SERPINA12: variants seen among roughly 807,000 people sequenced by gnomAD.
SERPINA12 encodes serpin A12.
In SERPINA12, 21 loss-of-function variants were observed where a neutral mutation model predicts 25.9. The ratio of observed to expected loss-of-function variants is 0.81; its 90% confidence interval spans 0.58 to 1.17. The LOEUF is 1.17. Ranked by LOEUF, SERPINA12 falls within the 50% of genes most tolerant of loss-of-function variation. The pLI is 0.00. For synonymous variants in SERPINA12, 220 were observed against 196.0 expected, an observed-to-expected ratio of 1.12 and a Z score of -1.02; for missense variants, 562 against 508.3, an observed-to-expected ratio of 1.11 and a Z score of -1.02.
chr14:94,509,145 G>A (rs1566815662), intron 1 of SERPINA12, among the ~76,000 whole-genome samples, 197 bp downstream of exon 1: 1 of 152,148 alleles, frequency 6.6e-6, no homozygotes, highest in African/African-American at 2.4e-5. Flanking sequence ...TTGGCAGCCA[G>A]CACAGACCCA....
At chr14:94,512,938 A>G (rs1369395176), upstream of SERPINA12, among the ~76,000 whole-genome samples, 1 of 152,242 alleles carries the variant, frequency 6.6e-6, no homozygotes, top group Non-Finnish European at 1.5e-5. Context: ...GACGTAGTGA[A>G]GAAATACGCA....
At chr14:94,496,301 G>A in intron 3 of SERPINA12, 72 bp downstream of exon 3, 1 of 1,508,768 alleles carries the variant, frequency 6.6e-7, no homozygotes, top group Non-Finnish European at 9.2e-7. Flanking sequence ...CATGAGGTAA[G>A]AGCTCAGACA....
At chr14:94,489,183 GAGAC>G (rs1428529530) in intron 4 of SERPINA12, among the ~76,000 whole-genome samples, 3 of 149,384 alleles carry the variant, frequency 2.0e-5, no homozygotes, top group Non-Finnish European at 4.4e-5. Context: ...AAGAGAGAGA[GAGAC>G]AGAGAAAGAA....
At chr14:94,500,787 A>C in intron 1 of SERPINA12, 12 of 908,776 alleles carry the variant, frequency 1.3e-5, no homozygotes, top group African/African-American at 3.6e-5. Flanking sequence ...AGCTGAACCC[A>C]GAGCCCACCT....
chr14:94,507,207 A>G (rs769888539), intron 1 of SERPINA12, among the ~76,000 whole-genome samples: 32 of 152,274 alleles, frequency 2.1e-4, no homozygotes, highest in Admixed American at 4.6e-4. Context: ...AGATTGGACT[A>G]TATGAAACTA....
intron 3 of SERPINA12, among the ~76,000 whole-genome samples, chr14:94,493,875 G>T (rs1900283360): frequency 6.6e-6 from 1 of 152,218 alleles, no homozygotes; most frequent in Non-Finnish European, 1.5e-5. Flanking sequence ...TGGTGGCAGT[G>T]CCCAGGGAAC....
At chr14:94,488,031 A>G (rs11626701) in intron 4 of SERPINA12, among the ~76,000 whole-genome samples, 75,912 of 152,064 alleles carry the variant, frequency 0.5, 19,898 homozygotes, top group Non-Finnish European at 0.58. Context: ...ATCCTGGCAC[A>G]TTTCTTGCTA....
chr14:94,487,469 A>G lies in SERPINA12; in HGVS notation c.1079T>C (p.Met360Thr), dbSNP rs1264035961. The G allele has an allele frequency of 2.5e-6, 4 of 1,613,534 alleles. No individual in the cohort carries two copies. Among genetic ancestry groups the G allele is most frequent in the Non-Finnish European group, 3.4e-6 (4 of 1,179,798 alleles). The change falls in exon 5 of 5, where the codon ATG becomes ACG. Residue 360 changes from methionine (M) to threonine (T), a missense_variant. Met to Thr is a moderately conservative substitution (Grantham distance 81). Coordinates refer to ENST00000677451, the MANE Select transcript of SERPINA12 (RefSeq NM_001382267.1). Reference sequence around the variant, plus strand: ...GGCCCCTTCCGTACCCCTCTCATCCATCTTCAGCTCAGCCTTGTGCACAGC... The same window carrying G: ...GGCCCCTTCCGTACCCCTCTCATCCGTCTTCAGCTCAGCCTTGTGCACAGC... ...GEAVHKAELK[M>T]DERGTEGAAG...
At chr14:94,515,937 C>G (rs1901221628) in exon 2 of SERPINA12, 1 of 152,264 alleles carries the variant, frequency 6.6e-6, no homozygotes, top group Non-Finnish European at 1.5e-5. Flanking sequence ...CCCAGCCCCA[C>G]AGAGTTTTGC....
At chr14:94,496,138 C>G (rs1956710) in intron 3 of SERPINA12, among the ~76,000 whole-genome samples, 148,497 of 152,274 alleles carry the variant, frequency 0.98, 72,448 homozygotes, top group Non-Finnish European at 0.99. Context: ...CCCTGACCAC[C>G]GCCCTCCAGT....
intron 3 of SERPINA12, among the ~76,000 whole-genome samples, chr14:94,490,102 C>A (rs997798213): frequency 6.6e-6 from 1 of 152,142 alleles, no homozygotes; most frequent in African/African-American, 2.4e-5. Context: ...GAGCCCTGAG[C>A]CCATCCTGAC....
upstream of SERPINA12, among the ~76,000 whole-genome samples, chr14:94,513,798 A>C (rs902234488): frequency 1.3e-5 from 2 of 152,180 alleles, no homozygotes; most frequent in African/African-American, 4.8e-5. Flanking sequence ...TACAACTGCT[A>C]TTGTCTTCCA....
intron 3 of SERPINA12, among the ~76,000 whole-genome samples, chr14:94,491,689 G>A (rs1281432285): frequency 2.6e-5 from 4 of 152,128 alleles, no homozygotes; most frequent in Non-Finnish European, 4.4e-5. Flanking sequence ...GTGACTCCAA[G>A]GTTTTTGGCT....
At chr14:94,502,192 A>G (rs1275445473) in intron 1 of SERPINA12, among the ~76,000 whole-genome samples, 1 of 152,200 alleles carries the variant, frequency 6.6e-6, no homozygotes, top group Non-Finnish European at 1.5e-5. Context: ...CAGTATTTCA[A>G]TTCTCTGATC....
chr14:94,491,253 C>T (rs566376025), intron 3 of SERPINA12, among the ~76,000 whole-genome samples: 2 of 152,178 alleles, frequency 1.3e-5, no homozygotes, highest in African/African-American at 4.8e-5. Context: ...CATACATGTA[C>T]TAGCGGTATG....
intron 2 of SERPINA12, among the ~76,000 whole-genome samples, chr14:94,514,949 C>T (rs540199042): frequency 1.3e-4 from 20 of 152,194 alleles, no homozygotes; most frequent in Non-Finnish European, 2.8e-4. Flanking sequence ...GGCCAACTTC[C>T]ACGGACTGAG....
upstream of SERPINA12, among the ~76,000 whole-genome samples, chr14:94,510,615 C>T (rs1485551686): frequency 6.6e-6 from 1 of 151,948 alleles, no homozygotes; most frequent in African/African-American, 2.4e-5. Flanking sequence ...GGGTATCTAC[C>T]CAGAGGAAAA....
intron 1 of SERPINA12, among the ~76,000 whole-genome samples, chr14:94,508,949 A>G (rs1901028247): frequency 6.6e-6 from 1 of 152,136 alleles, no homozygotes; most frequent in Admixed American, 6.5e-5. Context: ...GACATTATGT[A>G]TTTTTCATAC....
intron 1 of SERPINA12, among the ~76,000 whole-genome samples, chr14:94,506,576 G>A (rs1204953445): frequency 6.6e-6 from 1 of 152,232 alleles, no homozygotes; most frequent in African/African-American, 2.4e-5. Flanking sequence ...GAGAAAGTGA[G>A]TGAACAATCT....
Sources: allele counts gnomAD v4.1 joint callset (sites outside exome capture counted in the v4.1 genomes callset), GRCh38; gene constraint gnomAD v4.1.1; transcripts MANE v1.5; gene names NCBI Gene and HGNC (gene_info 2026-07-23, HGNC 2026-07-21).